The following NCOA6 variants were observed in gnomAD, a reference collection of about 807,000 sequenced individuals.
NCOA6 encodes the protein NRC RAP250.
NCOA6 carries 49 observed loss-of-function variants against 171.4 expected under a neutral mutation model. The observed-to-expected ratio is 0.29, with a 90% CI of 0.23 to 0.36. NCOA6 has a LOEUF of 0.36. Ranked by LOEUF, NCOA6 falls within the 10% of genes least tolerant of loss-of-function variation. The probability of loss-of-function intolerance (pLI) is 1.00; values close to 1 mark genes in which losing one functional copy is unlikely to be tolerated. For missense variants in NCOA6, 2,248 were observed against 2,554.5 expected, an observed-to-expected ratio of 0.88 and a Z score of 2.59; for synonymous variants, 910 against 927.5, an observed-to-expected ratio of 0.98 and a Z score of 0.34.
chr20:34,795,568 T>C (rs1163318831), intron 1 of NCOA6, among the ~76,000 whole-genome samples: 1 of 152,170 alleles, frequency 6.6e-6, no homozygotes, highest in Non-Finnish European at 1.5e-5. Flanking sequence ...ACAATAAAAC[T>C]GGTCTGGTCT....
At chr20:34,817,407 T>C (rs2078877306) in intron 1 of NCOA6, among the ~76,000 whole-genome samples, 1 of 151,962 alleles carries the variant, frequency 6.6e-6, no homozygotes, top group Non-Finnish European at 1.5e-5. Flanking sequence ...TGACATAGAA[T>C]ACACAATTCA....
At chr20:34,749,340 CA>C in intron 9 of NCOA6, 62 bp downstream of exon 9, 13 of 1,518,444 alleles carry the variant, frequency 8.6e-6, no homozygotes, top group Non-Finnish European at 1.1e-5. Context: ...AATTTTCCAT[CA>C]AAAAAGTTAT....
chr20:34,743,351 G>C lies in NCOA6; in HGVS notation c.2915-10C>G. On this transcript the variant is annotated splice_polypyrimidine_tract_variant and intron_variant, in intron 10 of 14. Transcript: ENST00000359003. Reference sequence around the variant, plus strand: ...GGTTGAGAAGGATAACCTAAAACAAGCCCCCCAAATTAGGGAAGTTAGATT... The same window carrying C: ...GGTTGAGAAGGATAACCTAAAACAACCCCCCCAAATTAGGGAAGTTAGATT... 6.3e-7 allele frequency: 1 copy of C among 1,583,216 alleles called. No individual in the cohort carries two copies. The highest frequency in any genetic ancestry group is 8.6e-7 in the Non-Finnish European group (1 of 1,161,806).
intron 8 of NCOA6, among the ~76,000 whole-genome samples, chr20:34,751,194 C>G (rs2076468240): frequency 6.7e-6 from 1 of 149,198 alleles, no homozygotes; most frequent in Non-Finnish European, 1.5e-5. Flanking sequence ...CAAGGTGAAA[C>G]CCCGTCTCTA....
intron 4 of NCOA6, among the ~76,000 whole-genome samples, chr20:34,774,524 A>G (rs912320480): frequency 4.6e-5 from 7 of 152,244 alleles, no homozygotes; most frequent in Non-Finnish European, 1.0e-4. Flanking sequence ...AGCAACCTAC[A>G]ATGCTAGACT....
At chr20:34,729,750 T>C (rs764052359) in intron 13 of NCOA6, among the ~76,000 whole-genome samples, 1 of 152,208 alleles carries the variant, frequency 6.6e-6, no homozygotes, top group Non-Finnish European at 1.5e-5. Flanking sequence ...TGTGAACCTC[T>C]TAAGGACACA....
At chr20:34,769,836 C>G (rs2077090495) in intron 4 of NCOA6, among the ~76,000 whole-genome samples, 1 of 138,932 alleles carries the variant, frequency 7.2e-6, no homozygotes, top group Non-Finnish European at 1.7e-5. Context: ...TGCACTTAAT[C>G]CAAAATTTTG....
chr20:34,822,504 T>C (rs1275701632), intron 1 of NCOA6, among the ~76,000 whole-genome samples: 1 of 152,216 alleles, frequency 6.6e-6, no homozygotes, highest in East Asian at 1.9e-4. Flanking sequence ...TCCCTGATTC[T>C]TTGAGCAGAC....
intron 4 of NCOA6, among the ~76,000 whole-genome samples, chr20:34,775,693 GAA>G (rs5841181): frequency 2.3e-5 from 3 of 133,126 alleles, no homozygotes; most frequent in South Asian, 2.3e-4. Flanking sequence ...AAAAAAAAAA[GAA>G]AAAAAAAAGA....
chr20:34,817,358 G>A (rs919240476), intron 1 of NCOA6, among the ~76,000 whole-genome samples: 2 of 151,686 alleles, frequency 1.3e-5, no homozygotes, highest in Admixed American at 1.3e-4. Flanking sequence ...AATATTAACT[G>A]ATATAGTTAA....
chr20:34,771,288 T>C (rs1395476798), intron 4 of NCOA6, among the ~76,000 whole-genome samples: 3 of 151,908 alleles, frequency 2.0e-5, no homozygotes, highest in African/African-American at 7.3e-5. Flanking sequence ...CCTGGCTAAT[T>C]TTTTTATTTT....
chr20:34,754,809 G>T lies in NCOA6; in HGVS notation c.1588C>A (p.Gln530Lys), dbSNP rs778998644. 2.5e-6 allele frequency: 4 copies of T among 1,614,096 alleles called. No homozygotes were observed. The African/African-American group carries it at 5.3e-5, about 22-fold the overall frequency. ...SAGQANPNFM[Q>K]GQVPSTTATT... Reference sequence around the variant, plus strand: ...GCTGTGGTCGAAGGCACCTGACCTTGCATAAAGTTCGGATTGGCCTGTCCT... The same window carrying T: ...GCTGTGGTCGAAGGCACCTGACCTTTCATAAAGTTCGGATTGGCCTGTCCT... The change falls in exon 8 of 15, where the codon CAA (glutamine) becomes AAA (lysine). Residue 530 changes from glutamine to lysine, a missense_variant. This residue lies in a region of NCOA6 where 987 missense variants were observed against 1,104.7 expected (regional missense o/e 0.89). Transcript: ENST00000359003.
chr20:34,721,570 G>A (rs147503333), intron 14 of NCOA6, among the ~76,000 whole-genome samples: 2 of 152,114 alleles, frequency 1.3e-5, no homozygotes. Flanking sequence ...ACACAACCTA[G>A]ATCTCTCGCA....
In NCOA6 at chr20:34,784,691, G is replaced by C. The variant is rs550797086; in HGVS notation, c.-49-2287C>G. ...AGCTACTCAGGAGGCTGAGGCGGGA[G>C]GATCCCTCAAACCCAGGAGTTCGAG... On this transcript the variant is annotated intron_variant, in intron 2 of 14. Coordinates refer to ENST00000359003, the MANE Select transcript of NCOA6 (RefSeq NM_014071.5). Among the ~76,000 whole-genome samples, 38 of 152,238 alleles carry C rather than the reference G, an allele frequency of 2.5e-4. 1 individual carries two copies. Among genetic ancestry groups the C allele is most frequent in the Middle Eastern group, 3.4e-3 (1 of 294 alleles).
At chr20:34,768,699 G>T in intron 4 of NCOA6, 113 bp from the exon 5 acceptor site, 1 of 1,255,418 alleles carries the variant, frequency 8.0e-7, no homozygotes, top group Non-Finnish European at 1.1e-6. Context: ...ATTATGGTTA[G>T]TTTACCACCA....
At chr20:34,799,894 C>T (rs2078201286) in intron 1 of NCOA6, among the ~76,000 whole-genome samples, 1 of 152,140 alleles carries the variant, frequency 6.6e-6, no homozygotes, top group Non-Finnish European at 1.5e-5. Context: ...CAATAAAAAT[C>T]ATCTGAAGAT....
intron 14 of NCOA6, among the ~76,000 whole-genome samples, chr20:34,719,896 T>G (rs926644565): frequency 6.6e-6 from 1 of 152,240 alleles, no homozygotes; most frequent in African/African-American, 2.4e-5. Flanking sequence ...TTCACTTGCA[T>G]ATCTACAGTA....
intron 14 of NCOA6, among the ~76,000 whole-genome samples, chr20:34,724,764 C>A (rs990770122): frequency 6.6e-6 from 1 of 151,628 alleles, no homozygotes; most frequent in South Asian, 2.1e-4. Context: ...TATTAGAATT[C>A]GTCTTTCAAT....
At chr20:34,756,087 GACAAATATGCA>G (rs1252890359) in intron 7 of NCOA6, among the ~76,000 whole-genome samples, 1 of 152,118 alleles carries the variant, frequency 6.6e-6, no homozygotes, top group Non-Finnish European at 1.5e-5. Flanking sequence ...ACTCTTAGTA[GACAAATATGCA>G]TTTGTCCTTT....
Sources: allele counts gnomAD v4.1 joint callset (sites outside exome capture counted in the v4.1 genomes callset), GRCh38; gene constraint gnomAD v4.1.1; regional missense constraint gnomAD v4.1.1; transcripts MANE v1.5; gene names NCBI Gene and HGNC (gene_info 2026-07-23, HGNC 2026-07-21).